GALNT13: variants seen among roughly 807,000 people sequenced by gnomAD.
GALNT13 encodes the protein UDP-GalNAc:polypeptide N-acetylgalactosaminyltransferase 13.
A neutral mutation model predicts 64.2 loss-of-function variants in GALNT13; 28 were observed. The observed-to-expected ratio is 0.44, with a 90% CI of 0.32 to 0.60. GALNT13 has a LOEUF of 0.60. Ranked by LOEUF, GALNT13 falls within the 20% of genes least tolerant of loss-of-function variation. GALNT13 has a pLI of 0.05. For missense variants in GALNT13, 577 were observed against 669.8 expected (o/e 0.86, Z 1.53); for synonymous variants, 214 against 224.6 (o/e 0.95, Z 0.42).
chr2:153,126,917 T>C, the GALNT13 span, among the ~76,000 whole-genome samples: 1 of 151,946 alleles, frequency 6.6e-6, no homozygotes, highest in Non-Finnish European at 1.5e-5. Context: ...GTCCATAGGA[T>C]AGGCCCCATA....
intron 3 of GALNT13, among the ~76,000 whole-genome samples, chr2:154,108,871 G>A (rs530036732): frequency 6.6e-6 from 1 of 152,000 alleles, no homozygotes; most frequent in South Asian, 2.1e-4. Context: ...AGTATTCTTG[G>A]CATGTTTATT....
the GALNT13 span, among the ~76,000 whole-genome samples, chr2:153,225,327 A>C: frequency 6.6e-6 from 1 of 152,224 alleles, no homozygotes; most frequent in East Asian, 1.9e-4. Flanking sequence ...AACTAGGAAT[A>C]AAGCAGATAA....
the GALNT13 span, among the ~76,000 whole-genome samples, chr2:153,185,245 G>T: frequency 6.6e-6 from 1 of 152,140 alleles, no homozygotes; most frequent in African/African-American, 2.4e-5. Flanking sequence ...TAGCTCATTT[G>T]CATAGGAGTG....
chr2:153,971,810 A>G (rs1053292894), intron 3 of GALNT13, among the ~76,000 whole-genome samples: 1 of 152,114 alleles, frequency 6.6e-6, no homozygotes, highest in African/African-American at 2.4e-5. Context: ...AATAGGTTGA[A>G]TAGTGTCCCA....
At chr2:153,187,778 G>A in the GALNT13 span, among the ~76,000 whole-genome samples, 21 of 152,018 alleles carry the variant, frequency 1.4e-4, no homozygotes, top group African/African-American at 5.1e-4. Context: ...AACTTGACAT[G>A]GATATTAAAA....
intron 8 of GALNT13, chr2:154,286,716 C>A: frequency 6.7e-6 from 2 of 300,738 alleles, no homozygotes; most frequent in South Asian, 3.4e-5. Context: ...TTGACTGATT[C>A]TGTGGCATAC....
At chr2:154,066,496 CAAAT>C (rs144221018) in intron 3 of GALNT13, among the ~76,000 whole-genome samples, 30,728 of 151,590 alleles carry the variant, frequency 0.2, 3,971 homozygotes, top group Middle Eastern at 0.32. Flanking sequence ...AGAAAAGAGA[CAAAT>C]AACATACAAT....
intron 8 of GALNT13, among the ~76,000 whole-genome samples, chr2:154,290,882 T>TA (rs1311627306): frequency 6.6e-6 from 1 of 151,968 alleles, no homozygotes; most frequent in Non-Finnish European, 1.5e-5. Flanking sequence ...TTACAGCTCT[T>TA]AAAGGTGGCG....
intron 3 of GALNT13, among the ~76,000 whole-genome samples, chr2:154,102,451 A>C (rs527502787): frequency 6.6e-6 from 1 of 152,264 alleles, no homozygotes; most frequent in East Asian, 1.9e-4. Flanking sequence ...TTAGCATTTA[A>C]GAAAACCAGT....
At chr2:154,012,634 T>A (rs534587994) in intron 3 of GALNT13, among the ~76,000 whole-genome samples, 2 of 152,206 alleles carry the variant, frequency 1.3e-5, no homozygotes, top group Non-Finnish European at 2.9e-5. Flanking sequence ...AGAGAAATTT[T>A]TGTGGACTGT....
chr2:153,388,489 G>A, the GALNT13 span, among the ~76,000 whole-genome samples: 1 of 152,032 alleles, frequency 6.6e-6, no homozygotes, highest in African/African-American at 2.4e-5. Flanking sequence ...TTGGTGCCAG[G>A]CATTTAGCTC....
the GALNT13 span, among the ~76,000 whole-genome samples, chr2:153,658,178 C>T: frequency 2.0e-5 from 3 of 152,158 alleles, no homozygotes; most frequent in East Asian, 3.9e-4. Context: ...GTACATAAAC[C>T]ATTCATTCTA....
chr2:153,722,596 A>G, the GALNT13 span, among the ~76,000 whole-genome samples: 5 of 152,006 alleles, frequency 3.3e-5, no homozygotes, highest in Admixed American at 3.3e-4. Flanking sequence ...AATCAAATAG[A>G]CACAATAAAA....
At chr2:153,334,033 A>T in the GALNT13 span, among the ~76,000 whole-genome samples, 1 of 152,248 alleles carries the variant, frequency 6.6e-6, no homozygotes. Context: ...AAACATAGCT[A>T]ATATGCATGT....
chr2:153,104,053 C>T, the GALNT13 span, among the ~76,000 whole-genome samples: 3 of 152,150 alleles, frequency 2.0e-5, no homozygotes, highest in African/African-American at 7.2e-5. Flanking sequence ...ATATCCCCTA[C>T]AACACTTAGC....
the GALNT13 span, among the ~76,000 whole-genome samples, chr2:153,294,387 A>T: frequency 1.3e-4 from 20 of 152,312 alleles, no homozygotes; most frequent in African/African-American, 4.6e-4. Context: ...TGGATTTTTT[A>T]AAAATGTGCA....
At chr2:153,554,656 ATGTG>A in the GALNT13 span, among the ~76,000 whole-genome samples, 230 of 146,244 alleles carry the variant, frequency 1.6e-3, no homozygotes, top group South Asian at 2.2e-3. Flanking sequence ...GATGCTGTAT[ATGTG>A]TGTGTGTGTG....
intron 5 of GALNT13, 152 bp downstream of exon 5, chr2:154,242,348 A>T: frequency 6.0e-6 from 4 of 666,398 alleles, no homozygotes; most frequent in Middle Eastern, 3.9e-4. Flanking sequence ...AGCCTATCAG[A>T]TTCTCATCAA....
chr2:153,360,933 C>T, the GALNT13 span, among the ~76,000 whole-genome samples: 2 of 152,182 alleles, frequency 1.3e-5, no homozygotes, highest in African/African-American at 2.4e-5. Flanking sequence ...GACCGTCCAA[C>T]AGGGATTGTC....
Sources: allele counts gnomAD v4.1 joint callset (sites outside exome capture counted in the v4.1 genomes callset), GRCh38; gene constraint gnomAD v4.1.1; transcripts MANE v1.5; gene names NCBI Gene and HGNC (gene_info 2026-07-23, HGNC 2026-07-21).